Variants in STPG2 observed in about 807,000 individuals in gnomAD.
The protein encoded by STPG2 is sperm tail PG-rich repeat containing 2.
STPG2 carries 56 observed loss-of-function variants against 54.2 expected under a neutral mutation model. The observed-to-expected ratio is 1.03, with a 90% CI of 0.83 to 1.29. The LOEUF (loss-of-function observed/expected upper bound fraction) is 1.29, where lower values mean the gene tolerates loss of function less well. Among genes scored for constraint, STPG2 ranks in the 50% most tolerant of loss-of-function variants. The pLI, the probability that STPG2 is intolerant of heterozygous loss-of-function variation, is 0.00. For synonymous variants in STPG2, 200 were observed against 181.8 expected, an observed-to-expected ratio of 1.10 and a Z score of -0.81; for missense variants, 596 against 544.9, an observed-to-expected ratio of 1.09 and a Z score of -0.93.
At chr4:97,674,236 G>A (rs919665732) in intron 10 of STPG2, among the ~76,000 whole-genome samples, 1 of 151,984 alleles carries the variant, frequency 6.6e-6, no homozygotes, top group African/African-American at 2.4e-5. Flanking sequence ...GGTCTTTCAC[G>A]TAACAGAGGT....
At chr4:97,801,838 G>T (rs1414241237) in intron 9 of STPG2, among the ~76,000 whole-genome samples, 1 of 151,904 alleles carries the variant, frequency 6.6e-6, no homozygotes, top group African/African-American at 2.4e-5. Context: ...TTTATTCTCT[G>T]CAATGCCATC....
At chr4:97,644,740 A>C (rs188016531) in intron 10 of STPG2, among the ~76,000 whole-genome samples, 13 of 152,140 alleles carry the variant, frequency 8.5e-5, no homozygotes, top group Admixed American at 4.6e-4. Context: ...TTTTAAGAAC[A>C]ACCAAAGTGA....
chr4:98,087,036 T>C (rs893026439), intron 5 of STPG2, among the ~76,000 whole-genome samples: 4 of 152,204 alleles, frequency 2.6e-5, no homozygotes, highest in Non-Finnish European at 4.4e-5. Context: ...TTTGAAAAAT[T>C]AAATAACATG....
chr4:97,837,190 G>T (rs1435126042), intron 9 of STPG2, among the ~76,000 whole-genome samples: 1 of 151,526 alleles, frequency 6.6e-6, no homozygotes, highest in Non-Finnish European at 1.5e-5. Flanking sequence ...TGAAGTCCTT[G>T]ATGTTTAAGT....
intron 10 of STPG2, among the ~76,000 whole-genome samples, chr4:97,662,578 C>G (rs745980190): frequency 1.3e-5 from 2 of 152,152 alleles, no homozygotes; most frequent in Non-Finnish European, 2.9e-5. Flanking sequence ...CACTGCGATG[C>G]TATTCACAAT....
chr4:97,656,206 G>T (rs1400405832), intron 10 of STPG2, among the ~76,000 whole-genome samples: 1 of 152,100 alleles, frequency 6.6e-6, no homozygotes, highest in Non-Finnish European at 1.5e-5. Flanking sequence ...TTGCAGTGTT[G>T]CAGTATTGCC....
chr4:97,665,732 G>T (rs1722502848), intron 10 of STPG2, among the ~76,000 whole-genome samples: 2 of 152,032 alleles, frequency 1.3e-5, no homozygotes, highest in Admixed American at 1.3e-4. Flanking sequence ...CATGCGGAGG[G>T]GTACCTGCAG....
intron 9 of STPG2, among the ~76,000 whole-genome samples, chr4:97,764,537 G>C (rs1363864161): frequency 2.0e-5 from 3 of 152,056 alleles, no homozygotes; most frequent in Non-Finnish European, 2.9e-5. Context: ...GAGAGAATTA[G>C]TAATCAAAAT....
chr4:97,908,400 C>G (rs1382817505), intron 8 of STPG2, among the ~76,000 whole-genome samples: 1 of 149,568 alleles, frequency 6.7e-6, no homozygotes, highest in Non-Finnish European at 1.5e-5. Context: ...AATAGGAACA[C>G]TTTTACGCTG....
In STPG2 at chr4:97,771,245, G is replaced by A. The variant is rs1726207476; in HGVS notation, c.1205-58431C>T. Among the ~76,000 whole-genome samples, 3 of 152,088 alleles carry A rather than the reference G, an allele frequency of 2.0e-5. No homozygotes were observed. In the South Asian group the frequency reaches 6.2e-4, roughly 32 times the overall value. On this transcript the variant is annotated intron_variant, in intron 9 of 10. Transcript: ENST00000295268. ...AATCCAGAGGGATAGGAAGCACACGGGGATTTAAACAGAAAAAGTTTAATA... is the reference window on the plus strand; with the variant it reads ...AATCCAGAGGGATAGGAAGCACACGAGGATTTAAACAGAAAAAGTTTAATA...
intron 10 of STPG2, among the ~76,000 whole-genome samples, chr4:97,645,464 G>A (rs1219609901): frequency 2.6e-5 from 4 of 152,078 alleles, no homozygotes; most frequent in East Asian, 1.9e-4. Flanking sequence ...AAGAGACTGC[G>A]GCTATCAGAG....
At chr4:98,012,307 A>T (rs1033200513) in intron 5 of STPG2, among the ~76,000 whole-genome samples, 1 of 152,082 alleles carries the variant, frequency 6.6e-6, no homozygotes, top group African/African-American at 2.4e-5. Flanking sequence ...CCATTAGTCT[A>T]TATGTCTGTT....
intron 9 of STPG2, among the ~76,000 whole-genome samples, chr4:97,784,140 C>G (rs1052571769): frequency 2.0e-5 from 3 of 150,292 alleles, no homozygotes; most frequent in Admixed American, 6.6e-5. Flanking sequence ...AAACACTCAG[C>G]CTAGGCAACA....
At chr4:97,967,966 A>G (rs1734173074) in intron 7 of STPG2, among the ~76,000 whole-genome samples, 1 of 152,158 alleles carries the variant, frequency 6.6e-6, no homozygotes, top group Non-Finnish European at 1.5e-5. Flanking sequence ...AAGCAAGAGC[A>G]AACACATTCA....
At chr4:97,602,411 T>G (rs1733487321) in intron 10 of STPG2, among the ~76,000 whole-genome samples, 1 of 151,796 alleles carries the variant, frequency 6.6e-6, no homozygotes, top group Admixed American at 6.6e-5. Flanking sequence ...CACACACACT[T>G]ATTTTCCCTT....
chr4:97,766,692 T>C (rs1397357256), intron 9 of STPG2, among the ~76,000 whole-genome samples: 1 of 152,126 alleles, frequency 6.6e-6, no homozygotes, highest in Admixed American at 6.5e-5. Flanking sequence ...AGAATTTTCA[T>C]GCTTGCTTTT....
chr4:97,640,403 C>G (rs1214378924), intron 10 of STPG2, among the ~76,000 whole-genome samples: 1 of 151,732 alleles, frequency 6.6e-6, no homozygotes, highest in Non-Finnish European at 1.5e-5. Context: ...AATTAATTTA[C>G]AAGCCAAAAA....
intron 10 of STPG2, among the ~76,000 whole-genome samples, chr4:97,645,801 T>C (rs1173090252): frequency 6.6e-6 from 1 of 152,156 alleles, no homozygotes; most frequent in Non-Finnish European, 1.5e-5. Context: ...TCTAACTGCA[T>C]AGGTTGTTTA....
At chr4:97,872,089 C>T (rs1261687238) in intron 8 of STPG2, among the ~76,000 whole-genome samples, 1 of 150,896 alleles carries the variant, frequency 6.6e-6, no homozygotes, top group Non-Finnish European at 1.5e-5. Context: ...AGGTTAATAC[C>T]TACTCACAAT....
Sources: allele counts gnomAD v4.1 joint callset (sites outside exome capture counted in the v4.1 genomes callset), GRCh38; gene constraint gnomAD v4.1.1; transcripts MANE v1.5; gene names NCBI Gene and HGNC (gene_info 2026-07-23, HGNC 2026-07-21).